MGAT5B: variants seen among roughly 807,000 people sequenced by gnomAD.
MGAT5B encodes N-acetylglucosaminyl-transferase Vb.
MGAT5B carries 54 observed loss-of-function variants against 95.1 expected under a neutral mutation model. The observed-to-expected ratio is 0.57, with a 90% confidence interval of 0.46 to 0.71. MGAT5B has a LOEUF of 0.71. MGAT5B is among the 30% of genes least tolerant of loss of function. MGAT5B has a pLI of 0.00. For synonymous variants in MGAT5B, 464 were observed against 451.0 expected (o/e 1.03, Z -0.36); for missense variants, 935 against 1,088.6 (o/e 0.86, Z 1.99).
chr17:76,872,590 C>T (rs1967046716), intron 1 of MGAT5B: 1 of 1,389,236 alleles, frequency 7.2e-7, no homozygotes, highest in East Asian at 2.5e-5. Flanking sequence ...CTAGAGCCCG[C>T]CTGCCTCATG....
chr17:76,945,178 AG>A (rs112306343), intron 15 of MGAT5B, among the ~76,000 whole-genome samples: 31,797 of 151,920 alleles, frequency 0.21, 3,603 homozygotes, highest in Admixed American at 0.29. Context: ...GGGAGGCAGG[AG>A]TACCCCCTTA....
chr17:76,913,734 T>C (rs766131990), intron 8 of MGAT5B: 1 of 504,044 alleles, frequency 2.0e-6, no homozygotes, highest in Non-Finnish European at 4.0e-6. Flanking sequence ...TGTGAGAAGA[T>C]GCTTCTAGAA....
chr17:76,882,438 C>T, intron 3 of MGAT5B, 140 bp downstream of exon 3: 1 of 989,598 alleles, frequency 1.0e-6, no homozygotes, highest in Non-Finnish European at 1.4e-6. Context: ...GAGTGCATTT[C>T]TACCACCCAA....
At chr17:76,934,133 G>C (rs190464360) in intron 12 of MGAT5B, among the ~76,000 whole-genome samples, 141 of 152,302 alleles carry the variant, frequency 9.3e-4, no homozygotes, top group Middle Eastern at 3.4e-3. Flanking sequence ...AGGACTCAGG[G>C]GGATCTCACC....
At chr17:76,880,749 A>G (rs1449726468) in intron 2 of MGAT5B, among the ~76,000 whole-genome samples, 1 of 152,004 alleles carries the variant, frequency 6.6e-6, no homozygotes, top group South Asian at 2.1e-4. Flanking sequence ...AGTGTGTTCT[A>G]CATGGTCTCA....
chr17:76,931,302 G>A (rs1009132623), intron 10 of MGAT5B, among the ~76,000 whole-genome samples: 1 of 152,168 alleles, frequency 6.6e-6, no homozygotes, highest in Non-Finnish European at 1.5e-5. Flanking sequence ...TTGCCACGTT[G>A]GCCAGGCTGG....
In MGAT5B at chr17:76,868,827, C is replaced by T; in HGVS notation, c.-203C>T. On this transcript the variant is annotated 5_prime_UTR_variant, in exon 1 of 18. Coordinates refer to ENST00000569840, the MANE Select transcript of MGAT5B (RefSeq NM_001199172.2). This position sits in a 1 kb window ranked among gnomAD's most constrained non-coding sequence, Gnocchi z 6.3. ...ACGCAGAGACGGCCCGGCCGGGCGC[C>T]CTCGCCGCCCTCCGGCAGCCGCGCC... 4 of 326,086 alleles carry T rather than the reference C, an allele frequency of 1.2e-5. No homozygotes were observed. The highest frequency in any genetic ancestry group is 1.7e-5 in the Non-Finnish European group (3 of 181,460). The allele number at this position is 326,086 out of a possible 1,614,324, so 20.2% of individuals were successfully genotyped here. A position where few individuals can be genotyped will look rare whatever the true frequency, so the allele number is the denominator to read the frequency against.
intron 8 of MGAT5B, among the ~76,000 whole-genome samples, chr17:76,923,575 A>C (rs1969192030): frequency 6.6e-6 from 1 of 151,906 alleles, no homozygotes; most frequent in African/African-American, 2.4e-5. Context: ...CTGCTTGGGC[A>C]TCCCCCCTGC....
chr17:76,872,745 C>A (rs1170013523), intron 1 of MGAT5B, 106 bp from the exon 2 acceptor site: 1 of 1,594,254 alleles, frequency 6.3e-7, no homozygotes, highest in Non-Finnish European at 8.5e-7. Flanking sequence ...TTGCTTCCTT[C>A]ACTCATGCAC....
At position 76,940,232 on chromosome 17, in the gene MGAT5B, C is replaced by A. The variant is rs1969817500; in HGVS notation, c.1585-170C>A. Among the ~76,000 whole-genome samples, 1 of 152,176 alleles carries A rather than the reference C, an allele frequency of 6.6e-6. No individual in the cohort carries two copies. Among genetic ancestry groups the A allele is most frequent in the Admixed American group, 6.5e-5 (1 of 15,282 alleles). ...CGTGGCACAAGATGTTCTGGGCTGGCTTTTCCAGCCCTGTTATAGCTCACA... is the reference window on the plus strand; with the variant it reads ...CGTGGCACAAGATGTTCTGGGCTGGATTTTCCAGCCCTGTTATAGCTCACA... On this transcript the variant is annotated intron_variant, in intron 13 of 17. Coordinates refer to ENST00000569840, the MANE Select transcript of MGAT5B (RefSeq NM_001199172.2). This position sits in a 1 kb window ranked among gnomAD's most constrained non-coding sequence, Gnocchi z 4.3.
chr17:76,907,988 G>C (rs751531659), intron 8 of MGAT5B, among the ~76,000 whole-genome samples: 3 of 152,202 alleles, frequency 2.0e-5, no homozygotes, highest in Non-Finnish European at 4.4e-5. Flanking sequence ...GATGCCCATT[G>C]ATATGGGCAT....
rs1968798636 is a variant in MGAT5B at position 76,912,988 on chromosome 17, A to G, written c.1025+6801A>G. ...CAATTTCAAGCATCATTAATAGTAC[A>G]TGGCATGAGAAAACATTACTGAGCT... On this transcript the variant is annotated intron_variant, in intron 8 of 17. Coordinates refer to ENST00000569840, the MANE Select transcript of MGAT5B (RefSeq NM_001199172.2). The surrounding 1 kb of genome is among the most constrained non-coding windows in gnomAD (Gnocchi z 5.0). Among the ~76,000 whole-genome samples, 2 of 152,202 alleles carry G rather than the reference A, an allele frequency of 1.3e-5. No homozygotes were observed. Among genetic ancestry groups the G allele is most frequent in the African/African-American group, 4.8e-5 (2 of 41,446 alleles).
chr17:76,878,378 T>C (rs1421909780), intron 2 of MGAT5B, among the ~76,000 whole-genome samples: 1 of 151,914 alleles, frequency 6.6e-6, no homozygotes, highest in African/African-American at 2.4e-5. Context: ...TCTGATGGGG[T>C]GGGGCTTGAA....
intron 3 of MGAT5B, among the ~76,000 whole-genome samples, chr17:76,888,203 C>G (rs78772636): frequency 6.6e-6 from 1 of 152,200 alleles, no homozygotes; most frequent in African/African-American, 2.4e-5. Context: ...GGGAGGGGGC[C>G]TCCCCAGCAT....
intron 3 of MGAT5B, among the ~76,000 whole-genome samples, chr17:76,898,583 G>T (rs1314529042): frequency 5.9e-5 from 9 of 151,988 alleles, no homozygotes; most frequent in Non-Finnish European, 1.3e-4. Context: ...GATTACAGGC[G>T]TGAGCCACTG....
chr17:76,887,998 C>T (rs1264489846), intron 3 of MGAT5B, among the ~76,000 whole-genome samples: 2 of 152,142 alleles, frequency 1.3e-5, no homozygotes, highest in African/African-American at 2.4e-5. Context: ...CCCTCTGGCT[C>T]CTCCTGCTGG....
In MGAT5B at chr17:76,869,137, G is replaced by T. The variant is rs199805389; in HGVS notation, c.68+40G>T. The T allele has an allele frequency of 5.1e-6, 8 of 1,576,560 alleles. No homozygotes were observed. In the East Asian group the frequency reaches 1.3e-4, roughly 27 times the overall value. On this transcript the variant is annotated intron_variant, in intron 1 of 17. Coordinates refer to ENST00000569840, the MANE Select transcript of MGAT5B (RefSeq NM_001199172.2). This position sits in a 1 kb window ranked among gnomAD's most constrained non-coding sequence, Gnocchi z 7.0. ...TGGTTGGTTTTTTCCCCAGGGGGGC[G>T]CCGGGTGGAGGTGGGCGAGGTCGGT... is the stretch of plus-strand genomic sequence containing the variant.
rs759049630 is a variant in MGAT5B at position 76,882,290 on chromosome 17, C to T, written c.321C>T (p.Pro107=). 39 of 1,610,980 alleles carry T rather than the reference C, an allele frequency of 2.4e-5. No individual in the cohort carries two copies. In the Admixed American group the frequency reaches 4.3e-4, roughly 18 times the overall value. Reference sequence around the variant, plus strand: ...GGGCCGGCGGCGACCTGCACTTTCCCGCAGACAGGTGAGGGGACGTGGGGA... The same window carrying T: ...GGGCCGGCGGCGACCTGCACTTTCCTGCAGACAGGTGAGGGGACGTGGGGA... ...LHRAGGDLHF[P]ADRMPPGAGL... The change falls in exon 3 of 18, where the codon CCC becomes CCT. Residue 107 remains proline (P), a synonymous_variant. Transcript: ENST00000569840.
In MGAT5B at chr17:76,873,063, G is replaced by A. The variant is rs747796748; in HGVS notation, c.181+100G>A. On this transcript the variant is annotated intron_variant, in intron 2 of 17. Transcript: ENST00000569840. ...TAGCCCTGTACCTGGCTTTCTGGCC[G>A]CCCTGTAGGTGGATGTGAGTGGAGG... 66 of 1,332,778 alleles carry A rather than the reference G, an allele frequency of 5.0e-5. 1 individual carries two copies. Among genetic ancestry groups the A allele is most frequent in the Non-Finnish European group, 6.5e-5 (62 of 959,500 alleles). 82.6% of individuals were successfully genotyped at this position (1,332,778 alleles called of 1,614,324 possible).
Sources: gnomAD v4.1 joint callset for allele counts (sites outside exome capture counted in the v4.1 genomes callset) on GRCh38, gnomAD v4.1.1 for gene constraint, Gnocchi (gnomAD v3.1) non-coding constraint, MANE v1.5 for transcripts, NCBI Gene and HGNC (gene_info 2026-07-23, HGNC 2026-07-21) for gene names.